Variants in S100PBP observed in about 807,000 individuals in gnomAD.
The protein encoded by S100PBP is S100P binding protein, also known as S100P-binding protein.
Under a neutral mutation model 39.9 loss-of-function variants are expected in S100PBP, and 15 were observed. That is an observed-to-expected ratio of 0.38 (90% CI 0.25 to 0.58). S100PBP has a LOEUF of 0.58. Ranked by LOEUF, S100PBP falls within the 20% of genes least tolerant of loss-of-function variation. The pLI is 0.70. For missense variants in S100PBP, 504 were observed against 487.3 expected, an observed-to-expected ratio of 1.03 and a Z score of -0.32; for synonymous variants, 178 against 180.3, an observed-to-expected ratio of 0.99 and a Z score of 0.10.
At chr1:32,827,509 A>T (rs1188156404) in intron 3 of S100PBP, among the ~76,000 whole-genome samples, 3 of 151,774 alleles carry the variant, frequency 2.0e-5, no homozygotes, top group African/African-American at 7.3e-5. Context: ...CTTGAGATAG[A>T]GTCTTACTCT....
intron 5 of S100PBP, among the ~76,000 whole-genome samples, chr1:32,833,759 CAA>C (rs990217113): frequency 1.3e-5 from 2 of 151,910 alleles, no homozygotes; most frequent in Non-Finnish European, 2.9e-5. Context: ...CTAGAAATAA[CAA>C]AATTAACATT....
At position 32,820,144 on chromosome 1, in the gene S100PBP, C is replaced by CTTTT. The variant is rs5773387; in HGVS notation, c.-120+2472_-120+2475dup. 3.1e-3 allele frequency among the ~76,000 whole-genome samples: 330 copies of CTTTT among 104,780 alleles called. 18 individuals carry two copies. The highest frequency in any genetic ancestry group is 4.0e-3 in the African/African-American group (101 of 25,510). 68.7% of individuals were successfully genotyped at this position (104,780 alleles called of 152,430 possible). On this transcript the variant is annotated intron_variant, in intron 1 of 6. Transcript: ENST00000373475. ...ACTCTTTTTTCCTACCGTTCCTATG[C>CTTTT]TTTTTTTTTTTTTTTTTTTTGAGAT...
chr1:32,833,979 G>C, intron 5 of S100PBP: 2 of 264,008 alleles, frequency 7.6e-6, no homozygotes, highest in Non-Finnish European at 1.6e-5. Context: ...CATTAGTAAT[G>C]CTGCAGTGAA....
chr1:32,852,306 C>G (rs1187291172), intron 5 of S100PBP, among the ~76,000 whole-genome samples: 12 of 151,226 alleles, frequency 7.9e-5, no homozygotes, highest in African/African-American at 2.9e-4. Context: ...GAGCAAGACT[C>G]TGTCTCAAAA....
chr1:32,820,028 A>G (rs779598259), intron 1 of S100PBP, among the ~76,000 whole-genome samples: 3 of 152,002 alleles, frequency 2.0e-5, no homozygotes, highest in East Asian at 1.9e-4. Context: ...TTCAGTGACA[A>G]TATGGTTGAG....
Position 32,856,289 on chromosome 1 carries a change from T to C in S100PBP, c.*251T>C, listed in dbSNP as rs1640816806. 1 of 220,460 alleles carries C rather than the reference T, an allele frequency of 4.5e-6. No homozygotes were observed. Among genetic ancestry groups the C allele is most frequent in the Non-Finnish European group, 9.1e-6 (1 of 109,738 alleles). The allele number at this position is 220,460 out of a possible 1,614,324, so 13.7% of individuals were successfully genotyped here. A position where few individuals can be genotyped will look rare whatever the true frequency, so the allele number is the denominator to read the frequency against. On this transcript the variant is annotated 3_prime_UTR_variant, in exon 7 of 7. Transcript: ENST00000373475. ...TTCGGTTGGTATAGTTTTTTTTTGT[T>C]TTTTTAATTTAAATTGAAGGTAGCT... is the stretch of plus-strand genomic sequence containing the variant.
At chr1:32,831,827 C>T (rs1283582846) in intron 5 of S100PBP, among the ~76,000 whole-genome samples, 1 of 151,998 alleles carries the variant, frequency 6.6e-6, no homozygotes, top group Non-Finnish European at 1.5e-5. Context: ...TTTTTTATAT[C>T]CTAGGCAGTT....
intron 5 of S100PBP, among the ~76,000 whole-genome samples, chr1:32,851,571 C>T (rs1414652505): frequency 1.3e-5 from 2 of 151,958 alleles, no homozygotes; most frequent in East Asian, 3.9e-4. Context: ...GAGGCTGAGG[C>T]AGGAGAATCA....
Position 32,856,099 on chromosome 1 carries a change from C to G in S100PBP, c.*61C>G. The G allele has an allele frequency of 9.2e-7, 1 of 1,089,708 alleles. No individual in the cohort carries two copies. Among genetic ancestry groups the G allele is most frequent in the South Asian group, 1.4e-5 (1 of 73,474 alleles). The allele number at this position is 1,089,708 out of a possible 1,614,324, so 67.5% of individuals were successfully genotyped here. A position where few individuals can be genotyped will look rare whatever the true frequency, so the allele number is the denominator to read the frequency against. ...CAGGGTCCTGCTTGGAGCAGCATTTCATGTTCTTTTGCTGTTTTGTGCTTT... is the reference window on the plus strand; with the variant it reads ...CAGGGTCCTGCTTGGAGCAGCATTTGATGTTCTTTTGCTGTTTTGTGCTTT... On this transcript the variant is annotated 3_prime_UTR_variant, in exon 7 of 7. Transcript: ENST00000373475.
intron 5 of S100PBP, among the ~76,000 whole-genome samples, chr1:32,849,983 T>G (rs975987610): frequency 2.0e-5 from 3 of 152,228 alleles, no homozygotes; most frequent in Admixed American, 6.5e-5. Flanking sequence ...GTGCCTTTAT[T>G]TATTTATTTA....
chr1:32,817,419 A>C (rs1638783854), upstream of S100PBP: 3 of 728,544 alleles, frequency 4.1e-6, no homozygotes, highest in African/African-American at 1.7e-5. Flanking sequence ...AAAAGTGAGG[A>C]GCAGCAGAGA....
chr1:32,842,221 G>GTGTATATA (rs761782431), intron 5 of S100PBP, among the ~76,000 whole-genome samples: 2 of 91,758 alleles, frequency 2.2e-5, no homozygotes, highest in East Asian at 6.7e-4. Flanking sequence ...ATATATATAT[G>GTGTATATA]TATATATATA....
intron 6 of S100PBP, among the ~76,000 whole-genome samples, chr1:32,855,448 A>C (rs1471082719): frequency 1.3e-5 from 2 of 152,196 alleles, no homozygotes; most frequent in African/African-American, 4.8e-5. Context: ...CTAAACTCAC[A>C]TGATGACTTA....
intron 5 of S100PBP, chr1:32,836,407 C>T: frequency 3.0e-6 from 1 of 332,740 alleles, no homozygotes; most frequent in Non-Finnish European, 4.3e-6. Context: ...GCTGGGATTG[C>T]AGGTGTGAAC....
At chr1:32,855,349 C>T (rs950955230) in intron 6 of S100PBP, among the ~76,000 whole-genome samples, 1 of 152,174 alleles carries the variant, frequency 6.6e-6, no homozygotes, top group Non-Finnish European at 1.5e-5. Context: ...TATCTCAGAG[C>T]GTCTTGCTCA....
At chr1:32,843,875 A>G (rs1640231730) in intron 5 of S100PBP, among the ~76,000 whole-genome samples, 1 of 151,966 alleles carries the variant, frequency 6.6e-6, no homozygotes, top group Non-Finnish European at 1.5e-5. Flanking sequence ...GGCGTGAGCC[A>G]CCATGCCCGG....
chr1:32,842,493 A>G (rs1459613886), intron 5 of S100PBP, among the ~76,000 whole-genome samples: 6 of 151,952 alleles, frequency 3.9e-5, no homozygotes, highest in Non-Finnish European at 8.8e-5. Flanking sequence ...GCATTTCCAT[A>G]TAAATTTTAG....
At position 32,826,511 on chromosome 1, in the gene S100PBP, G is replaced by C; in HGVS notation, c.412G>C (p.Val138Leu). 1 of 1,614,072 alleles carries C rather than the reference G, an allele frequency of 6.2e-7. No homozygotes were observed. Among genetic ancestry groups the C allele is most frequent in the Non-Finnish European group, 8.5e-7 (1 of 1,180,016 alleles). The change falls in exon 3 of 7, where the codon GTA becomes CTA. Residue 138 changes from valine (V) to leucine (L), a missense_variant. By Grantham distance (32) the Val-to-Leu change is conservative. Transcript: ENST00000373475. ...TACTAAACCATTAAACAGACGCTCTGTACTAGAAAAGAATCTTATAAAAGT... is the reference window on the plus strand; with the variant it reads ...TACTAAACCATTAAACAGACGCTCTCTACTAGAAAAGAATCTTATAAAAGT... ...AHTKPLNRRS[V>L]LEKNLIKVTV...
At chr1:32,821,363 C>T (rs1454703282) in intron 1 of S100PBP, among the ~76,000 whole-genome samples, 1 of 152,072 alleles carries the variant, frequency 6.6e-6, no homozygotes, top group Non-Finnish European at 1.5e-5. Flanking sequence ...GCTCTGTCAC[C>T]CAGGCTGGAG....
Sources: allele counts gnomAD v4.1 joint callset (sites outside exome capture counted in the v4.1 genomes callset), GRCh38; gene constraint gnomAD v4.1.1; transcripts MANE v1.5; gene names NCBI Gene and HGNC (gene_info 2026-07-23, HGNC 2026-07-21).